The following MPP7 variants were observed in gnomAD, a reference collection of about 807,000 sequenced individuals.
MPP7 encodes the protein MAGUK p55 scaffold protein 7.
MPP7 carries 60 observed loss-of-function variants against 76.5 expected under a neutral mutation model. The ratio of observed to expected loss-of-function variants is 0.78; its 90% CI spans 0.64 to 0.97. The LOEUF (loss-of-function observed/expected upper bound fraction) is 0.97. Ranked by LOEUF, MPP7 falls within the 50% of genes least tolerant of loss-of-function variation. The pLI is 0.00. For missense variants in MPP7, 641 were observed against 694.0 expected (o/e 0.92, Z 0.86); for synonymous variants, 237 against 244.5 (o/e 0.97, Z 0.29).
At chr10:28,137,223 C>A (rs1313336497) in intron 5 of MPP7, among the ~76,000 whole-genome samples, 1 of 152,114 alleles carries the variant, frequency 6.6e-6, no homozygotes, top group African/African-American at 2.4e-5. Context: ...ACTTAGAATT[C>A]TATACCCAGC....
rs779041835 is a variant in MPP7 at position 28,060,524 on chromosome 10, T to C, written c.1205-781A>G. Among the ~76,000 whole-genome samples the C allele has an allele frequency of 2.6e-5, 4 of 152,206 alleles. No homozygotes were observed. The South Asian group carries it at 6.2e-4, about 24-fold the overall frequency. ...GAAAATAAGTAAAGCAGGTAGACTG[T>C]AGAGGGGAGTCAAACTGCACGGGGA... On this transcript the variant is annotated intron_variant, in intron 13 of 16. Transcript: ENST00000683449.
intron 3 of MPP7, among the ~76,000 whole-genome samples, chr10:28,157,397 G>A (rs1383745051): frequency 1.3e-5 from 2 of 152,198 alleles, no homozygotes; most frequent in African/African-American, 4.8e-5. Context: ...ATAATTTTGA[G>A]ATGAGCTAGG....
At chr10:28,111,112 T>C (rs1193412428) in intron 11 of MPP7, among the ~76,000 whole-genome samples, 1 of 152,126 alleles carries the variant, frequency 6.6e-6, no homozygotes, top group African/African-American at 2.4e-5. Flanking sequence ...CATGTACCTT[T>C]AATTTCCTCT....
intron 1 of MPP7, among the ~76,000 whole-genome samples, chr10:28,246,662 C>T (rs778053708): frequency 3.3e-5 from 5 of 152,068 alleles, no homozygotes; most frequent in South Asian, 4.2e-4. Context: ...TGGTGGCAGG[C>T]GAGACAAACA....
intron 2 of MPP7, among the ~76,000 whole-genome samples, chr10:28,224,327 A>T (rs902978049): frequency 2.0e-5 from 3 of 151,994 alleles, no homozygotes; most frequent in African/African-American, 7.2e-5. Context: ...AACATATTAC[A>T]CTTGAAAAGA....
intron 2 of MPP7, among the ~76,000 whole-genome samples, chr10:28,322,407 G>A (rs1834376250): frequency 6.6e-6 from 1 of 152,028 alleles, no homozygotes; most frequent in Non-Finnish European, 1.5e-5. Flanking sequence ...AAAAATAAAA[G>A]CTCATGACTC....
chr10:28,142,703 C>G (rs796482355), intron 5 of MPP7, among the ~76,000 whole-genome samples: 12 of 152,240 alleles, frequency 7.9e-5, no homozygotes, highest in African/African-American at 2.9e-4. Context: ...TGCACGCCAA[C>G]CTGGGTGACA....
At chr10:28,327,473 G>A (rs944151355) in intron 2 of MPP7, among the ~76,000 whole-genome samples, 9 of 152,050 alleles carry the variant, frequency 5.9e-5, no homozygotes, top group Non-Finnish European at 8.8e-5. Flanking sequence ...TCTTCAATTC[G>A]TGGACTAATA....
intron 11 of MPP7, among the ~76,000 whole-genome samples, chr10:28,112,139 C>T (rs1834524628): frequency 6.6e-6 from 1 of 152,158 alleles, no homozygotes; most frequent in South Asian, 2.1e-4. Flanking sequence ...TATTTAAGCA[C>T]ATGTCTTAGT....
At chr10:28,258,710 T>C (rs1465427817) in intron 1 of MPP7, among the ~76,000 whole-genome samples, 1 of 152,016 alleles carries the variant, frequency 6.6e-6, no homozygotes, top group Non-Finnish European at 1.5e-5. Flanking sequence ...TAAATATATA[T>C]TTAAATAAAA....
chr10:28,187,658 C>G (rs896930114), intron 3 of MPP7, among the ~76,000 whole-genome samples: 1 of 152,198 alleles, frequency 6.6e-6, no homozygotes, highest in African/African-American at 2.4e-5. Flanking sequence ...AGGGCCTATT[C>G]CATGAGTATC....
rs7091086 is a variant in MPP7 at position 28,163,065 on chromosome 10, G to A, written c.157-13006C>T. On this transcript the variant is annotated intron_variant, in intron 3 of 16. Transcript: ENST00000683449. Reference sequence around the variant, plus strand: ...CCCTTTTGTCATGTAAGGTGACACAGTCATAGGGTCCAGGGAGAAAGACGT... The same window carrying A: ...CCCTTTTGTCATGTAAGGTGACACAATCATAGGGTCCAGGGAGAAAGACGT... Among the ~76,000 whole-genome samples, 6 of 152,280 alleles carry A rather than the reference G, an allele frequency of 3.9e-5. No individual in the cohort carries two copies. The East Asian group carries it at 1.2e-3, about 29-fold the overall frequency.
intron 2 of MPP7, among the ~76,000 whole-genome samples, chr10:28,321,333 T>C (rs778119594): frequency 1.4e-4 from 22 of 152,218 alleles, no homozygotes; most frequent in Admixed American, 3.9e-4. Flanking sequence ...TAAGTAACAG[T>C]AACAGAGAAC....
chr10:28,176,430 T>A (rs146909248), intron 3 of MPP7, among the ~76,000 whole-genome samples: 1 of 151,964 alleles, frequency 6.6e-6, no homozygotes, highest in African/African-American at 2.4e-5. Flanking sequence ...CATTTTAGCA[T>A]CAAAAAGAAT....
chr10:28,056,367 C>A, intron 16 of MPP7, 113 bp downstream of exon 16: 1 of 1,112,126 alleles, frequency 9.0e-7, no homozygotes, highest in Non-Finnish European at 1.3e-6. Flanking sequence ...CCACCTTGGC[C>A]AGGCTGGTCT....
intron 2 of MPP7, among the ~76,000 whole-genome samples, chr10:28,237,183 G>T (rs900922891): frequency 2.6e-5 from 4 of 152,134 alleles, no homozygotes; most frequent in Non-Finnish European, 5.9e-5. Flanking sequence ...AAGGCATTTT[G>T]GGTGAACAGC....
chr10:28,109,260 C>T (rs1018435730), intron 11 of MPP7, among the ~76,000 whole-genome samples: 1 of 152,108 alleles, frequency 6.6e-6, no homozygotes, highest in African/African-American at 2.4e-5. Context: ...TGCACTCCAA[C>T]CTGGGCAACA....
intron 1 of MPP7, among the ~76,000 whole-genome samples, chr10:28,294,445 A>G (rs1840995043): frequency 6.6e-6 from 1 of 152,246 alleles, no homozygotes; most frequent in South Asian, 2.1e-4. Context: ...TATAAAATGT[A>G]AACTATAAGG....
intron 11 of MPP7, among the ~76,000 whole-genome samples, chr10:28,091,892 T>C (rs763260835): frequency 2.0e-5 from 3 of 152,206 alleles, no homozygotes; most frequent in Non-Finnish European, 4.4e-5. Context: ...ATTTAAAGTA[T>C]ACAGGAGGAT....
Sources: allele counts gnomAD v4.1 joint callset (sites outside exome capture counted in the v4.1 genomes callset), GRCh38; gene constraint gnomAD v4.1.1; transcripts MANE v1.5; gene names NCBI Gene and HGNC (gene_info 2026-07-23, HGNC 2026-07-21).